FBXL7: variants seen among roughly 807,000 people sequenced by gnomAD.
FBXL7 encodes F-box and leucine rich repeat protein 7.
FBXL7 carries 12 observed loss-of-function variants against 38.3 expected under a neutral mutation model. The ratio of observed to expected loss-of-function variants is 0.31; its 90% CI spans 0.20 to 0.51. The LOEUF (loss-of-function observed/expected upper bound fraction) is 0.51. Among genes scored for constraint, FBXL7 ranks in the 20% least tolerant of loss-of-function variants. The pLI, the probability that FBXL7 is intolerant of heterozygous loss-of-function variation, is 0.98. For synonymous variants in FBXL7, 297 were observed against 300.9 expected, an observed-to-expected ratio of 0.99 and a Z score of 0.13; for missense variants, 567 against 676.4, an observed-to-expected ratio of 0.84 and a Z score of 1.79.
At chr5:15,749,019 C>T (rs1003207401) in intron 2 of FBXL7, among the ~76,000 whole-genome samples, 1 of 151,928 alleles carries the variant, frequency 6.6e-6, no homozygotes, top group South Asian at 2.1e-4. Context: ...CTGAGTGGGG[C>T]AGATTACCTG....
intron 2 of FBXL7, among the ~76,000 whole-genome samples, chr5:15,688,616 C>T (rs1579379207): frequency 6.6e-6 from 1 of 152,258 alleles, no homozygotes; most frequent in African/African-American, 2.4e-5. Context: ...TTGAAAAGTA[C>T]CTAGTCTATA....
Position 15,824,333 on chromosome 5 carries a change from C to T in FBXL7, c.128-103557C>T, listed in dbSNP as rs1055076813. On this transcript the variant is annotated intron_variant, in intron 2 of 3. Coordinates refer to ENST00000504595, the MANE Select transcript of FBXL7 (RefSeq NM_012304.5). The stretch of plus-strand genomic sequence containing the variant: ...AAAAGAGAAAAACGTGGACCATTTT[C>T]ACTGGCAGTTTCCCAAATGCATTTT... Among the ~76,000 whole-genome samples the T allele has an allele frequency of 2.7e-5, 4 of 149,990 alleles. No homozygotes were observed. The South Asian group carries it at 8.5e-4, about 32-fold the overall frequency.
intron 2 of FBXL7, among the ~76,000 whole-genome samples, chr5:15,619,269 A>G (rs1740549301): frequency 6.6e-5 from 10 of 152,152 alleles, no homozygotes; most frequent in Admixed American, 6.5e-4. Context: ...TGGAGTCTGT[A>G]TTCAGTTAAC....
At chr5:15,536,053 A>G (rs1737573979) in intron 1 of FBXL7, among the ~76,000 whole-genome samples, 1 of 152,218 alleles carries the variant, frequency 6.6e-6, no homozygotes, top group Non-Finnish European at 1.5e-5. Flanking sequence ...GTGGCTTCAG[A>G]GGGTGCAAGC....
At chr5:15,646,670 G>T (rs900849552) in intron 2 of FBXL7, among the ~76,000 whole-genome samples, 1 of 152,152 alleles carries the variant, frequency 6.6e-6, no homozygotes, top group Non-Finnish European at 1.5e-5. Flanking sequence ...TTGTTGTTTT[G>T]CAATCCCCTA....
chr5:15,600,106 C>T (rs1184351300), intron 1 of FBXL7, among the ~76,000 whole-genome samples: 1 of 152,214 alleles, frequency 6.6e-6, no homozygotes, highest in Non-Finnish European at 1.5e-5. Flanking sequence ...AAAATGGCAG[C>T]ATTAGGATTA....
chr5:15,725,372 C>T (rs77736579), intron 2 of FBXL7, among the ~76,000 whole-genome samples: 13,631 of 151,858 alleles, frequency 0.09, 747 homozygotes, highest in South Asian at 0.15. Flanking sequence ...TTCTAATTTC[C>T]TTTGTGATTT....
rs115254513 is a variant in FBXL7, at chr5:15,685,786, T to C, written c.127+69714T>C. Among the ~76,000 whole-genome samples the C allele has an allele frequency of 9.2e-3, 1,400 of 152,326 alleles. 17 individuals are homozygous for C. The highest frequency in any genetic ancestry group is 0.031 in the African/African-American group (1,301 of 41,556). On this transcript the variant is annotated intron_variant, in intron 2 of 3. Coordinates refer to ENST00000504595, the MANE Select transcript of FBXL7 (RefSeq NM_012304.5). ...CAGTTACCAGGATTCAGTGAAAGAA[T>C]AGATGTATAGAGCTTAGCAGTATGC...
chr5:15,622,226 C>G (rs1313100090), intron 2 of FBXL7, among the ~76,000 whole-genome samples: 1 of 151,666 alleles, frequency 6.6e-6, no homozygotes, highest in African/African-American at 2.4e-5. Flanking sequence ...GGATATAAAC[C>G]AAATGCTTGG....
At chr5:15,606,139 C>G (rs1740004588) in intron 1 of FBXL7, among the ~76,000 whole-genome samples, 1 of 152,180 alleles carries the variant, frequency 6.6e-6, no homozygotes, top group Non-Finnish European at 1.5e-5. Flanking sequence ...TAGAAATATG[C>G]TACCTCACTA....
At chr5:15,547,795 C>T (rs989202630) in intron 1 of FBXL7, among the ~76,000 whole-genome samples, 1 of 152,138 alleles carries the variant, frequency 6.6e-6, no homozygotes, top group African/African-American at 2.4e-5. Context: ...TGGTGTATCC[C>T]CAGCACATCC....
chr5:15,537,016 T>G (rs1737606002), intron 1 of FBXL7, among the ~76,000 whole-genome samples: 1 of 152,176 alleles, frequency 6.6e-6, no homozygotes, highest in Non-Finnish European at 1.5e-5. Flanking sequence ...TAAAAGTGTT[T>G]GGCAGTTCCT....
chr5:15,589,241 A>G (rs983076656), intron 1 of FBXL7, among the ~76,000 whole-genome samples: 3 of 151,894 alleles, frequency 2.0e-5, no homozygotes, highest in Admixed American at 2.0e-4. Flanking sequence ...TATGGTTTGG[A>G]TTTCTGTCCC....
intron 2 of FBXL7, among the ~76,000 whole-genome samples, chr5:15,882,865 C>T (rs1160585400): frequency 1.3e-5 from 2 of 151,758 alleles, no homozygotes; most frequent in Non-Finnish European, 1.5e-5. Flanking sequence ...TAATACAGCT[C>T]GAATGTCAGA....
At chr5:15,687,631 C>T (rs938653541) in intron 2 of FBXL7, among the ~76,000 whole-genome samples, 3 of 152,104 alleles carry the variant, frequency 2.0e-5, no homozygotes, top group African/African-American at 7.2e-5. Flanking sequence ...GAGAATTCAG[C>T]GGGAAATGGG....
intron 2 of FBXL7, among the ~76,000 whole-genome samples, chr5:15,670,979 G>A (rs1169029369): frequency 6.6e-6 from 1 of 152,044 alleles, no homozygotes; most frequent in Admixed American, 6.6e-5. Context: ...TGAAACATGA[G>A]TTGCTTTGCC....
At chr5:15,526,117 G>A (rs1737245302) in intron 1 of FBXL7, among the ~76,000 whole-genome samples, 1 of 152,156 alleles carries the variant, frequency 6.6e-6, no homozygotes. Flanking sequence ...ACTTCTGCGA[G>A]GGGAGCCTGG....
intron 2 of FBXL7, among the ~76,000 whole-genome samples, chr5:15,818,978 A>T (rs1738097096): frequency 6.6e-6 from 1 of 152,162 alleles, no homozygotes. Context: ...AGTGTTGTTT[A>T]TCGTTAATGT....
chr5:15,570,233 G>T (rs1315882621), intron 1 of FBXL7, among the ~76,000 whole-genome samples: 3 of 152,080 alleles, frequency 2.0e-5, no homozygotes, highest in African/African-American at 2.4e-5. Flanking sequence ...ACTTTTTTTG[G>T]TTGGTAAGCT....
Sources: gnomAD v4.1 joint callset for allele counts (sites outside exome capture counted in the v4.1 genomes callset) on GRCh38, gnomAD v4.1.1 for gene constraint, MANE v1.5 for transcripts, NCBI Gene and HGNC (gene_info 2026-07-23, HGNC 2026-07-21) for gene names.